PCDHGA3: variants seen among roughly 807,000 people sequenced by gnomAD.
The protein encoded by PCDHGA3 is protocadherin gamma-A3.
A neutral mutation model predicts 58.5 loss-of-function variants in PCDHGA3; 40 were observed. That is an observed-to-expected ratio of 0.68 (90% CI 0.53 to 0.89). PCDHGA3 has a LOEUF of 0.89. PCDHGA3 is among the 40% of genes least tolerant of loss of function. The pLI is 0.00. For missense variants in PCDHGA3, 1,223 were observed against 1,195.9 expected (o/e 1.02, Z -0.33); for synonymous variants, 530 against 525.7 (o/e 1.01, Z -0.11).
intron 1 of PCDHGA3, chr5:141,428,599 A>G (rs1324155257): frequency 8.9e-6 from 2 of 223,902 alleles, no homozygotes; most frequent in Non-Finnish European, 1.8e-5. Context: ...AGCAAGCTTC[A>G]CTGAAGAGAA....
chr5:141,485,009 C>A lies in PCDHGA3; in HGVS notation c.2425-9798C>A, dbSNP rs531346426. 4 of 628,216 alleles carry A rather than the reference C, an allele frequency of 6.4e-6. No individual in the cohort carries two copies. Among genetic ancestry groups the A allele is most frequent in the African/African-American group, 3.7e-5 (2 of 54,100 alleles). 38.9% of individuals were successfully genotyped at this position (628,216 alleles called of 1,614,324 possible). On this transcript the variant is annotated intron_variant, in intron 1 of 3. Transcript: ENST00000253812. This position sits in a 1 kb window ranked among gnomAD's most constrained non-coding sequence, Gnocchi z 5.7. Reference sequence around the variant, plus strand: ...GGTGGTGAAAGGCAGACAAATCTACCCCGCCACCAGCAAAAACGGCGCGTA... The same window carrying A: ...GGTGGTGAAAGGCAGACAAATCTACACCGCCACCAGCAAAAACGGCGCGTA...
At chr5:141,496,838 T>C (rs182118142) in intron 2 of PCDHGA3, among the ~76,000 whole-genome samples, 39 of 150,790 alleles carry the variant, frequency 2.6e-4, no homozygotes, top group African/African-American at 8.3e-4. Flanking sequence ...CCAGAACTCA[T>C]AGGCTTCCAG....
intron 1 of PCDHGA3, chr5:141,361,095 A>T (rs1309829041): frequency 1.9e-6 from 3 of 1,613,896 alleles, no homozygotes; most frequent in Non-Finnish European, 2.5e-6. Context: ...TGAGTATCGA[A>T]GCAAAAGATC....
At chr5:141,431,000 A>G (rs1272572092) in intron 1 of PCDHGA3, 4 of 1,613,898 alleles carry the variant, frequency 2.5e-6, no homozygotes, top group African/African-American at 1.3e-5. Flanking sequence ...GAATCCGCGC[A>G]GCGGCAGCTT....
At chr5:141,382,770 C>T in intron 1 of PCDHGA3, 7 of 734,404 alleles carry the variant, frequency 9.5e-6, no homozygotes, top group Non-Finnish European at 1.5e-5. Context: ...TTCCAGGCTG[C>T]ACTAAACTCA....
chr5:141,464,524 T>C (rs2099086175), intron 1 of PCDHGA3, among the ~76,000 whole-genome samples: 1 of 152,094 alleles, frequency 6.6e-6, no homozygotes, highest in Non-Finnish European at 1.5e-5. Context: ...AAGGCATATG[T>C]AGTTTTGTTA....
rs578223384 is a variant in PCDHGA3, at chr5:141,400,070, C to A, written c.2424+53613C>A. 4 of 1,613,804 alleles carry A rather than the reference C, an allele frequency of 2.5e-6. No individual in the cohort carries two copies. The African/African-American group carries it at 4.0e-5, about 16-fold the overall frequency. On this transcript the variant is annotated intron_variant, in intron 1 of 3. Transcript: ENST00000253812. ...GTTGCTGTGCGTGATGGTGGACAGC[C>A]GCCACTCTCCGCCACCGCCACGCTG...
intron 1 of PCDHGA3, chr5:141,422,585 T>C (rs1193597044): frequency 1.2e-6 from 2 of 1,613,930 alleles, no homozygotes; most frequent in African/African-American, 2.7e-5. Context: ...CCTCCCGTTT[T>C]TCCTCACTCC....
At chr5:141,457,820 C>CTCAG (rs2098930320) in intron 1 of PCDHGA3, among the ~76,000 whole-genome samples, 1 of 152,198 alleles carries the variant, frequency 6.6e-6, no homozygotes, top group African/African-American at 2.4e-5. Flanking sequence ...CCAAGATAAA[C>CTCAG]TCAGAGCTTC....
At chr5:141,438,749 C>T (rs1238134451) in intron 1 of PCDHGA3, among the ~76,000 whole-genome samples, 3 of 149,226 alleles carry the variant, frequency 2.0e-5, no homozygotes, top group African/African-American at 4.9e-5. Context: ...GCAACCTCTG[C>T]CTCCTGGGTT....
At position 141,409,535 on chromosome 5, in the gene PCDHGA3, A is replaced by G. The variant is rs745624722; in HGVS notation, c.2424+63078A>G. 5 of 1,613,894 alleles carry G rather than the reference A, an allele frequency of 3.1e-6. No homozygotes were observed. The African/African-American group carries it at 4.0e-5, about 13-fold the overall frequency. ...AAGCATCACCTTGTATGTCGCTGAC[A>G]TCAACGACAACGCCCCAGTTTTCGA... On this transcript the variant is annotated intron_variant, in intron 1 of 3. Coordinates refer to ENST00000253812, the MANE Select transcript of PCDHGA3 (RefSeq NM_018916.4).
intron 1 of PCDHGA3, chr5:141,399,892 G>T: frequency 1.2e-6 from 2 of 1,612,554 alleles, no homozygotes; most frequent in Non-Finnish European, 1.7e-6. Flanking sequence ...CAAGGTAGTG[G>T]CCGTGGACGC....
rs774505854 is a variant in PCDHGA3 at position 141,490,507 on chromosome 5, G to A, written c.2425-4300G>A. The A allele has an allele frequency of 5.6e-6, 9 of 1,613,898 alleles. No individual in the cohort carries two copies. The highest frequency in any genetic ancestry group is 4.0e-5 in the African/African-American group (3 of 74,868). ...GGAGGCCACATCCCACTATATCATC[G>A]AGCTGCTGGCCAGCGATGCTGGTTC... On this transcript the variant is annotated intron_variant, in intron 1 of 3. Transcript: ENST00000253812. This position sits in a 1 kb window ranked among gnomAD's most constrained non-coding sequence, Gnocchi z 5.4.
intron 1 of PCDHGA3, chr5:141,478,776 A>T: frequency 1.3e-6 from 2 of 1,488,808 alleles, no homozygotes; most frequent in Non-Finnish European, 1.8e-6. Context: ...TCATCTGTGG[A>T]CCTAATTCAC....
chr5:141,351,804 C>T lies in PCDHGA3; in HGVS notation c.2424+5347C>T, dbSNP rs752529043. 4 of 1,613,328 alleles carry T rather than the reference C, an allele frequency of 2.5e-6. No individual in the cohort carries two copies. In the South Asian group the frequency reaches 3.3e-5, roughly 13 times the overall value. On this transcript the variant is annotated intron_variant, in intron 1 of 3. Transcript: ENST00000253812. Reference sequence around the variant, plus strand: ...AGCGGGGTGGTGTTCGCGCAGCGCGCCTTCGACCACGAGCAGCTGCGCGCC... The same window carrying T: ...AGCGGGGTGGTGTTCGCGCAGCGCGTCTTCGACCACGAGCAGCTGCGCGCC...
intron 2 of PCDHGA3, among the ~76,000 whole-genome samples, chr5:141,501,258 T>G (rs2099806611): frequency 1.3e-5 from 2 of 150,950 alleles, no homozygotes; most frequent in South Asian, 4.2e-4. Flanking sequence ...GGGAGTATTT[T>G]ATTATAGTCC....
In PCDHGA3 at chr5:141,346,369, T is replaced by G. The variant is rs746035914; in HGVS notation, c.2336T>G (p.Leu779Arg). 16 of 1,614,084 alleles carry G rather than the reference T, an allele frequency of 9.9e-6. No individual in the cohort carries two copies. The highest frequency in any genetic ancestry group is 1.2e-5 in the Non-Finnish European group (14 of 1,180,054). The change falls in exon 1 of 4, where the codon CTC (leucine) becomes CGC (arginine). Residue 779 changes from leucine to arginine, a missense_variant. Leu to Arg is a moderately radical substitution (Grantham distance 102). Around this residue, in one of 3 missense-constraint regions of PCDHGA3, gnomAD observed 325 missense variants for 327.5 expected, o/e 0.99. Transcript: ENST00000253812. ...CCCCAGCCCAACTATGCGGACACGC[T>G]CATCAGCCAGGAGAGCTGTGAGAAA... ...IFPQPNYADT[L>R]ISQESCEKSE...
chr5:141,459,545 T>G (rs534173050), intron 1 of PCDHGA3, among the ~76,000 whole-genome samples: 81 of 152,348 alleles, frequency 5.3e-4, no homozygotes, highest in South Asian at 1.0e-3. Context: ...TTTTTTTATT[T>G]CTCTTGGATA....
At chr5:141,474,881 C>A (rs2099356099) in intron 1 of PCDHGA3, among the ~76,000 whole-genome samples, 1 of 152,244 alleles carries the variant, frequency 6.6e-6, no homozygotes, top group South Asian at 2.1e-4. Context: ...AGCAGGAACT[C>A]TTAGAGGTTC....
Sources: allele counts gnomAD v4.1 joint callset (sites outside exome capture counted in the v4.1 genomes callset), GRCh38; gene constraint gnomAD v4.1.1; regional missense constraint gnomAD v4.1.1; non-coding constraint Gnocchi (gnomAD v3.1); transcripts MANE v1.5; gene names NCBI Gene and HGNC (gene_info 2026-07-23, HGNC 2026-07-21).